TSKU: variants seen among roughly 807,000 people sequenced by gnomAD.
TSKU encodes the protein tsukushi, small leucine rich proteoglycan.
In TSKU, 4 loss-of-function variants were observed where a neutral mutation model predicts 11.2. The observed-to-expected ratio is 0.36, with a 90% CI of 0.18 to 0.82. The LOEUF is 0.82. TSKU is among the 40% of genes least tolerant of loss of function. The pLI, the probability that TSKU is intolerant of heterozygous loss-of-function variation, is 0.50. For synonymous variants in TSKU, 220 were observed against 232.2 expected (o/e 0.95, Z 0.48); for missense variants, 407 against 482.5 (o/e 0.84, Z 1.47).
intron 1 of TSKU, among the ~76,000 whole-genome samples, chr11:76,793,723 T>A (rs1944404683): frequency 6.6e-6 from 1 of 152,102 alleles, no homozygotes; most frequent in Non-Finnish European, 1.5e-5. Flanking sequence ...TGGAACACTC[T>A]GTCCTGCCTC....
At position 76,796,900 on chromosome 11, in the gene TSKU, A is replaced by T. The variant is rs567353799; in HGVS notation, c.*222A>T. 8 of 407,096 alleles carry T rather than the reference A, an allele frequency of 2.0e-5. No homozygotes were observed. The highest frequency in any genetic ancestry group is 6.5e-4 in the Middle Eastern group (1 of 1,540). 25.2% of individuals were successfully genotyped at this position (407,096 alleles called of 1,614,324 possible). On this transcript the variant is annotated 3_prime_UTR_variant, in exon 2 of 2. Coordinates refer to ENST00000333090, the MANE Select transcript of TSKU (RefSeq NM_015516.4). The surrounding 1 kb of genome is among the most constrained non-coding windows in gnomAD (Gnocchi z 4.1). ...TACGTTGCTTCCCCAAACCATGAGC[A>T]GAGGGACTTCGATGCCAAACCAGAC...
rs769598494 is a variant in TSKU, at chr11:76,795,698, G to A, written c.82G>A (p.Val28Met). The A allele has an allele frequency of 6.2e-7, 1 of 1,614,172 alleles. No homozygotes were observed. The highest frequency in any genetic ancestry group is 8.5e-7 in the Non-Finnish European group (1 of 1,180,046). ...RPCFPGCQCE[V>M]ETFGLFDSFS... ...ATGCTTCCCCGGGTGCCAATGCGAG[G>A]TGGAGACCTTCGGCCTTTTCGACAG... The change falls in exon 2 of 2, where the codon GTG becomes ATG. Residue 28 changes from valine (V) to methionine (M), a missense_variant. Physicochemically the swap from Val to Met is conservative, Grantham distance 21. Coordinates refer to ENST00000333090, the MANE Select transcript of TSKU (RefSeq NM_015516.4).
Position 76,797,775 on chromosome 11 carries a change from C to T in TSKU, c.*1097C>T, listed in dbSNP as rs905698398. The stretch of plus-strand genomic sequence containing the variant: ...GAAAGGAGACAAGGTCTGCCCGACC[C>T]ATGTCTATGCTCTACCCCCAGGGTA... On this transcript the variant is annotated 3_prime_UTR_variant, in exon 2 of 2. Coordinates refer to ENST00000333090, the MANE Select transcript of TSKU (RefSeq NM_015516.4). The T allele has an allele frequency of 1.2e-5, 2 of 167,152 alleles. No homozygotes were observed. Among genetic ancestry groups the T allele is most frequent in the Non-Finnish European group, 2.9e-5 (2 of 68,160 alleles). The allele number at this position is 167,152 out of a possible 1,614,324, so 10.4% of individuals were successfully genotyped here. A position where few individuals can be genotyped will look rare whatever the true frequency, so the allele number is the denominator to read the frequency against.
At chr11:76,794,298 G>A (rs550478650) in intron 1 of TSKU, among the ~76,000 whole-genome samples, 1 of 152,352 alleles carries the variant, frequency 6.6e-6, no homozygotes, top group South Asian at 2.1e-4. Flanking sequence ...AGTGGGTGGT[G>A]TGACCATTAG....
Position 76,796,812 on chromosome 11 carries a change from T to C in TSKU, c.*134T>C, listed in dbSNP as rs1360514056. On this transcript the variant is annotated 3_prime_UTR_variant, in exon 2 of 2. Transcript: ENST00000333090. This position sits in a 1 kb window ranked among gnomAD's most constrained non-coding sequence, Gnocchi z 4.1. ...TGTGGCAGCGTCACCACAGGAGTTG[T>C]GGGCCTAGGAGAGGCTTTGGACCTG... 1 of 653,160 alleles carries C rather than the reference T, an allele frequency of 1.5e-6. No individual in the cohort carries two copies. Among genetic ancestry groups the C allele is most frequent in the East Asian group, 3.1e-5 (1 of 32,694 alleles). 40.5% of individuals were successfully genotyped at this position (653,160 alleles called of 1,614,324 possible). A position where few individuals can be genotyped will look rare whatever the true frequency, so the allele number is the denominator to read the frequency against.
In TSKU at chr11:76,796,863, C is replaced by T. The variant is rs962205776; in HGVS notation, c.*185C>T. 2.0e-5 allele frequency: 9 copies of T among 449,710 alleles called. No homozygotes were observed. Among genetic ancestry groups the T allele is most frequent in the African/African-American group, 1.8e-4 (9 of 49,786 alleles). 27.9% of individuals were successfully genotyped at this position (449,710 alleles called of 1,614,324 possible). The stretch of plus-strand genomic sequence containing the variant: ...GGAGCCACACCTAGGAGCAAAGTCT[C>T]ACCCCTTTGTCTACGTTGCTTCCCC... On this transcript the variant is annotated 3_prime_UTR_variant, in exon 2 of 2. Transcript: ENST00000333090. This position sits in a 1 kb window ranked among gnomAD's most constrained non-coding sequence, Gnocchi z 4.1.
upstream of TSKU, chr11:76,783,175 C>G (rs1382398421): frequency 6.6e-6 from 1 of 152,036 alleles, no homozygotes; most frequent in Admixed American, 6.5e-5. Flanking sequence ...GGGCTCGGCT[C>G]AGGCTCCGCG....
intron 1 of TSKU, among the ~76,000 whole-genome samples, chr11:76,793,310 G>C (rs1944398582): frequency 6.6e-6 from 1 of 152,258 alleles, no homozygotes; most frequent in African/African-American, 2.4e-5. Context: ...CTTCACAGTT[G>C]GCAGTAAGGG....
Position 76,795,877 on chromosome 11 carries a change from T to C in TSKU, c.261T>C (p.Ala87=), listed in dbSNP as rs1944435509. 3.7e-6 allele frequency: 6 copies of C among 1,613,838 alleles called. No homozygotes were observed. The highest frequency in any genetic ancestry group is 4.2e-6 in the Non-Finnish European group (5 of 1,180,018). The change falls in exon 2 of 2, where the codon GCT becomes GCC. Residue 87 remains alanine, a synonymous_variant. Transcript: ENST00000333090. ...VLAGPGYTTL[A]GLDLSHNLLT... is the part of the protein sequence containing the mutation. ...CGGGGCCGGGCTACACGACGTTGGC[T>C]GGCCTGGATCTCAGCCACAACCTGC...
chr11:76,793,633 G>A (rs1043200866), intron 1 of TSKU, among the ~76,000 whole-genome samples: 2 of 152,126 alleles, frequency 1.3e-5, no homozygotes, highest in Admixed American at 6.5e-5. Context: ...TGGTGGTAAT[G>A]AGCCCTGCGG....
At chr11:76,786,999 T>A (rs1944318992) in intron 1 of TSKU, among the ~76,000 whole-genome samples, 1 of 152,164 alleles carries the variant, frequency 6.6e-6, no homozygotes, top group African/African-American at 2.4e-5. Flanking sequence ...AATCACTCAC[T>A]GGGGACAGGA....
chr11:76,793,192 C>T (rs1944397578), intron 1 of TSKU, among the ~76,000 whole-genome samples: 1 of 152,270 alleles, frequency 6.6e-6, no homozygotes, highest in Admixed American at 6.5e-5. Context: ...CTAGGTAACT[C>T]CTGCCCCTTT....
At chr11:76,790,947 G>C (rs901607158) in intron 1 of TSKU, among the ~76,000 whole-genome samples, 1 of 152,208 alleles carries the variant, frequency 6.6e-6, no homozygotes, top group African/African-American at 2.4e-5. Flanking sequence ...GAACTTCCTA[G>C]AGACTTATTG....
intron 1 of TSKU, chr11:76,792,129 G>C (rs1944379055): frequency 6.6e-6 from 1 of 152,264 alleles, no homozygotes; most frequent in Admixed American, 6.5e-5. Flanking sequence ...TCTTGCATCA[G>C]CATGACTCAG....
rs993620966 is a variant in TSKU, at chr11:76,797,442, C to T, written c.*764C>T. On this transcript the variant is annotated 3_prime_UTR_variant, in exon 2 of 2. Coordinates refer to ENST00000333090, the MANE Select transcript of TSKU (RefSeq NM_015516.4). ...GTAGCAGCAGCAGGACAGGCAAGAG[C>T]CTCACAAGTGGGACTCTGGGCCTCT... 7.2e-5 allele frequency: 12 copies of T among 167,340 alleles called. No homozygotes were observed. Among genetic ancestry groups the T allele is most frequent in the Admixed American group, 4.6e-4 (7 of 15,310 alleles). The allele number at this position is 167,340 out of a possible 1,614,324, so 10.4% of individuals were successfully genotyped here.
At chr11:76,787,675 C>G (rs151144533) in intron 1 of TSKU, among the ~76,000 whole-genome samples, 1 of 152,180 alleles carries the variant, frequency 6.6e-6, no homozygotes, top group Non-Finnish European at 1.5e-5. Context: ...CTGCTCTGTA[C>G]CAGGCTCAGT....
chr11:76,795,529 G>A, intron 1 of TSKU, 80 bp from the exon 2 acceptor site: 1 of 1,519,546 alleles, frequency 6.6e-7, no homozygotes, highest in Non-Finnish European at 8.9e-7. Context: ...TTCCAACAGT[G>A]TCTAGACTGG....
chr11:76,793,641 C>A (rs999372041), intron 1 of TSKU, among the ~76,000 whole-genome samples: 2 of 152,076 alleles, frequency 1.3e-5, no homozygotes, highest in Admixed American at 6.5e-5. Flanking sequence ...ATGAGCCCTG[C>A]GGTGAGGAGC....
In TSKU at chr11:76,796,395, A is replaced by G. The variant is rs1054479245; in HGVS notation, c.779A>G (p.Asp260Gly). The change falls in exon 2 of 2, where the codon GAC (aspartate) becomes GGC (glycine). Residue 260 changes from aspartate to glycine, a missense_variant. Coordinates refer to ENST00000333090, the MANE Select transcript of TSKU (RefSeq NM_015516.4). This position sits in a 1 kb window ranked among gnomAD's most constrained non-coding sequence, Gnocchi z 4.1. ...GAGCTACCGGGCCTGCAGGTCCTGG[A>G]CCTGTCGGGCAACCCCAAGCTTAAC... ...FRELPGLQVLDLSGNPKLNWA... is the reference protein window; with the variant it reads ...FRELPGLQVLGLSGNPKLNWA... The G allele has an allele frequency of 6.2e-7, 1 of 1,613,362 alleles. No individual in the cohort carries two copies. Among genetic ancestry groups the G allele is most frequent in the Non-Finnish European group, 8.5e-7 (1 of 1,179,942 alleles).
Sources: gnomAD v4.1 joint callset for allele counts (sites outside exome capture counted in the v4.1 genomes callset) on GRCh38, gnomAD v4.1.1 for gene constraint, Gnocchi (gnomAD v3.1) non-coding constraint, MANE v1.5 for transcripts, NCBI Gene and HGNC (gene_info 2026-07-23, HGNC 2026-07-21) for gene names.